The following MRPL1 variants were observed in gnomAD, a reference collection of about 807,000 sequenced individuals.
MRPL1 encodes the protein mitochondrial ribosomal protein L1.
MRPL1 carries 28 observed loss-of-function variants against 38.0 expected under a neutral mutation model. The observed-to-expected ratio is 0.74, with a 90% CI of 0.55 to 1.01. The LOEUF (loss-of-function observed/expected upper bound fraction) is 1.01, where lower values mean the gene tolerates loss of function less well. Ranked by LOEUF, MRPL1 falls within the 50% of genes least tolerant of loss-of-function variation. The pLI, the probability that MRPL1 is intolerant of heterozygous loss-of-function variation, is 0.00. For missense variants in MRPL1, 358 were observed against 389.8 expected (o/e 0.92, Z 0.69); for synonymous variants, 123 against 126.7 (o/e 0.97, Z 0.20).
chr4:77,901,474 A>T (rs796720595), intron 6 of MRPL1, among the ~76,000 whole-genome samples: 4 of 152,182 alleles, frequency 2.6e-5, no homozygotes, highest in African/African-American at 9.6e-5. Flanking sequence ...AAGATTAAAA[A>T]AAAAAAACCC....
chr4:77,935,827 G>A (rs111491656), intron 7 of MRPL1, among the ~76,000 whole-genome samples: 9 of 151,888 alleles, frequency 5.9e-5, no homozygotes, highest in African/African-American at 2.2e-4. Flanking sequence ...AGCTACTCGG[G>A]AGGCTAAGGC....
At chr4:77,909,737 GGT>G (rs1351163663) in intron 7 of MRPL1, among the ~76,000 whole-genome samples, 1 of 152,044 alleles carries the variant, frequency 6.6e-6, no homozygotes, top group Non-Finnish European at 1.5e-5. Flanking sequence ...GCACATAGTA[GGT>G]GTTCAATACT....
intron 7 of MRPL1, among the ~76,000 whole-genome samples, chr4:77,927,489 T>C: frequency 6.6e-6 from 1 of 152,134 alleles, no homozygotes; most frequent in Non-Finnish European, 1.5e-5. Context: ...AGATTCCTGT[T>C]AGTATACTAT....
At chr4:77,925,055 G>A (rs1395534565) in intron 7 of MRPL1, among the ~76,000 whole-genome samples, 1 of 152,074 alleles carries the variant, frequency 6.6e-6, no homozygotes, top group Non-Finnish European at 1.5e-5. Flanking sequence ...TACCAATTTT[G>A]TCACATTTGC....
intron 2 of MRPL1, among the ~76,000 whole-genome samples, chr4:77,876,861 C>T (rs1410431052): frequency 2.0e-5 from 3 of 151,978 alleles, no homozygotes; most frequent in Admixed American, 2.0e-4. Flanking sequence ...TTTTGTTTCT[C>T]TCTTGACTGT....
intron 7 of MRPL1, among the ~76,000 whole-genome samples, chr4:77,930,778 C>T (rs1037106393): frequency 2.6e-5 from 4 of 152,060 alleles, no homozygotes; most frequent in African/African-American, 4.8e-5. Flanking sequence ...TATTTTAGTC[C>T]GTGTATGTCC....
chr4:77,883,186 TAAAAA>T (rs146792115), intron 2 of MRPL1, 51 bp from the exon 3 acceptor site: 2 of 1,121,688 alleles, frequency 1.8e-6, no homozygotes, highest in African/African-American at 3.2e-5. Context: ...GCTTTTTTTT[TAAAAA>T]AAATCTCTTA....
At chr4:77,919,386 C>G (rs1736510497) in intron 7 of MRPL1, among the ~76,000 whole-genome samples, 2 of 152,090 alleles carry the variant, frequency 1.3e-5, no homozygotes, top group Non-Finnish European at 1.5e-5. Context: ...GATAAGAGTT[C>G]TTTCTAATTT....
At chr4:77,896,923 C>G (rs985153265) in intron 6 of MRPL1, among the ~76,000 whole-genome samples, 4 of 151,820 alleles carry the variant, frequency 2.6e-5, no homozygotes, top group Non-Finnish European at 5.9e-5. Flanking sequence ...TTTTATTTTG[C>G]TTATCGTCTG....
intron 7 of MRPL1, among the ~76,000 whole-genome samples, chr4:77,941,173 G>A (rs1479540543): frequency 6.6e-6 from 1 of 151,948 alleles, no homozygotes; most frequent in African/African-American, 2.4e-5. Flanking sequence ...GTTGAGGCAG[G>A]AGAATCACTT....
At chr4:77,869,285 G>A (rs965742954) in intron 1 of MRPL1, among the ~76,000 whole-genome samples, 1 of 152,164 alleles carries the variant, frequency 6.6e-6, no homozygotes, top group African/African-American at 2.4e-5. Context: ...ATGAGTGCTG[G>A]ATCAGGGAGA....
rs541422920 is a variant in MRPL1 at position 77,929,426 on chromosome 4, A to G, written c.777+20054A>G. Among the ~76,000 whole-genome samples the G allele has an allele frequency of 2.7e-3, 409 of 152,300 alleles. 2 individuals are homozygous for G. The highest frequency in any genetic ancestry group is 9.4e-3 in the African/African-American group (389 of 41,588). On this transcript the variant is annotated intron_variant, in intron 7 of 8. Coordinates refer to ENST00000315567, the MANE Select transcript of MRPL1 (RefSeq NM_020236.4). ...TAGTATTACATCTAAAAAAAATAAC[A>G]TTTATTAATATAGTATTTACAGAAA...
At chr4:77,905,167 A>G (rs991725457) in intron 6 of MRPL1, among the ~76,000 whole-genome samples, 2 of 152,068 alleles carry the variant, frequency 1.3e-5, no homozygotes, top group Admixed American at 6.6e-5. Flanking sequence ...TAATTTTTTA[A>G]AAAAGGGGCA....
At chr4:77,866,192 C>T (rs1286541512) in intron 1 of MRPL1, among the ~76,000 whole-genome samples, 1 of 152,118 alleles carries the variant, frequency 6.6e-6, no homozygotes, top group African/African-American at 2.4e-5. Flanking sequence ...GCTGGGATTA[C>T]AGGCACATGC....
At chr4:77,869,917 C>T (rs7694176) in intron 1 of MRPL1, among the ~76,000 whole-genome samples, 209 of 151,730 alleles carry the variant, frequency 1.4e-3, no homozygotes, top group African/African-American at 4.8e-3. Context: ...GACAGGGTTC[C>T]TGTCACCCAG....
Position 77,885,341 on chromosome 4 carries a change from T to A in MRPL1, c.486+2T>A. The A allele has an allele frequency of 6.2e-6, 10 of 1,605,614 alleles. No homozygotes were observed. The highest frequency in any genetic ancestry group is 8.5e-6 in the Non-Finnish European group (10 of 1,172,314). ...AATAAAGTTGCTGTATTTACAGAGG[T>A]GAGTAACTTCCGTCAACTATTTATA... On this transcript the variant is annotated splice_donor_variant, in intron 4 of 8. Coordinates refer to ENST00000315567, the MANE Select transcript of MRPL1 (RefSeq NM_020236.4). LOFTEE classifies it high-confidence loss of function.
intron 6 of MRPL1, among the ~76,000 whole-genome samples, chr4:77,896,211 C>A (rs1183095326): frequency 8.0e-6 from 1 of 125,236 alleles, no homozygotes; most frequent in Non-Finnish European, 1.7e-5. Context: ...ATATTTGGAA[C>A]CTTTTTTAGT....
At chr4:77,883,742 T>C (rs893731484) in intron 3 of MRPL1, among the ~76,000 whole-genome samples, 3 of 152,044 alleles carry the variant, frequency 2.0e-5, no homozygotes, top group Non-Finnish European at 4.4e-5. Context: ...CACGCCCAGC[T>C]AATTTTTGTA....
intron 4 of MRPL1, among the ~76,000 whole-genome samples, chr4:77,885,976 A>G (rs1578042514): frequency 1.3e-5 from 2 of 152,218 alleles, no homozygotes; most frequent in East Asian, 1.9e-4. Context: ...CCAGACAACA[A>G]GATTATTTTA....
Sources: gnomAD v4.1 joint callset for allele counts (sites outside exome capture counted in the v4.1 genomes callset) on GRCh38, gnomAD v4.1.1 for gene constraint, MANE v1.5 for transcripts, NCBI Gene and HGNC (gene_info 2026-07-23, HGNC 2026-07-21) for gene names.